Variants in GRIK4 observed in about 807,000 individuals in gnomAD.
GRIK4 encodes the protein glutamate receptor ionotropic, kainate 4.
Under a neutral mutation model 104.9 loss-of-function variants are expected in GRIK4, and 40 were observed. The observed-to-expected ratio is 0.38, with a 90% CI of 0.30 to 0.50. GRIK4 has a LOEUF of 0.50. Among genes scored for constraint, GRIK4 ranks in the 20% least tolerant of loss-of-function variants. The pLI is 0.93. For missense variants in GRIK4, 1,047 were observed against 1,308.1 expected, an observed-to-expected ratio of 0.80 and a Z score of 3.08; for synonymous variants, 485 against 524.9, an observed-to-expected ratio of 0.92 and a Z score of 1.04.
At chr11:120,848,524 G>T (rs1953902765) in intron 8 of GRIK4, among the ~76,000 whole-genome samples, 1 of 152,096 alleles carries the variant, frequency 6.6e-6, no homozygotes, top group Non-Finnish European at 1.5e-5. Flanking sequence ...GCAAGCTCAG[G>T]TGATCAGAAG....
chr11:120,787,516 G>C (rs1395804105), intron 3 of GRIK4, among the ~76,000 whole-genome samples: 1 of 151,498 alleles, frequency 6.6e-6, no homozygotes, highest in Non-Finnish European at 1.5e-5. Context: ...CCAGGCTGGA[G>C]TGCAGTGGCA....
At chr11:120,924,012 C>T (rs532510774) in intron 13 of GRIK4, among the ~76,000 whole-genome samples, 6 of 152,172 alleles carry the variant, frequency 3.9e-5, no homozygotes, top group South Asian at 4.1e-4. Context: ...TCCTGGGGGG[C>T]GATTACAGCT....
chr11:120,566,943 G>A (rs777362870), intron 1 of GRIK4, among the ~76,000 whole-genome samples: 5 of 148,276 alleles, frequency 3.4e-5, no homozygotes, highest in African/African-American at 7.5e-5. Context: ...TCCTGACCTC[G>A]TGTTCCGCCC....
intron 9 of GRIK4, among the ~76,000 whole-genome samples, chr11:120,866,132 C>G (rs558196517): frequency 2.3e-4 from 35 of 152,258 alleles, no homozygotes; most frequent in Middle Eastern, 3.4e-3. Context: ...GACTTGGGAC[C>G]AAACAAACCA....
intron 3 of GRIK4, among the ~76,000 whole-genome samples, chr11:120,738,162 G>A (rs1951260627): frequency 6.6e-6 from 1 of 152,184 alleles, no homozygotes; most frequent in Non-Finnish European, 1.5e-5. Flanking sequence ...GAGATATCAG[G>A]GAAGCTTAGA....
intron 16 of GRIK4, among the ~76,000 whole-genome samples, chr11:120,960,694 C>G (rs902562446): frequency 6.6e-6 from 1 of 152,198 alleles, no homozygotes; most frequent in Non-Finnish European, 1.5e-5. Flanking sequence ...ATAAGAAAAA[C>G]AAATCAACTG....
chr11:120,956,888 G>A lies in GRIK4; in HGVS notation c.1809G>A (p.Gly603=), dbSNP rs1944165737. Residue 603 remains glycine, a synonymous_variant, in exon 16 of 21, where the codon GGG becomes GGA. Transcript: ENST00000527524. This position sits in a 1 kb window ranked among gnomAD's most constrained non-coding sequence, Gnocchi z 4.6. The part of the protein sequence containing the change: ...LGNSLWFPVG[G]FMQQGSTIAP... ...ACAGCCTCTGGTTTCCGGTCGGGGG[G>A]TTCATGCAGCAAGGCTCCACCATCG... 6.2e-7 allele frequency: 1 copy of A among 1,614,002 alleles called. No individual in the cohort carries two copies. The highest frequency in any genetic ancestry group is 8.5e-7 in the Non-Finnish European group (1 of 1,179,956).
intron 1 of GRIK4, among the ~76,000 whole-genome samples, chr11:120,519,879 TG>T (rs1334341348): frequency 0.039 from 3,813 of 98,050 alleles, 65 homozygotes; most frequent in East Asian, 0.082. Context: ...TTTTTTTTTT[TG>T]TTTTTTTTTT....
intron 1 of GRIK4, among the ~76,000 whole-genome samples, chr11:120,595,741 T>G (rs1272576634): frequency 1.3e-5 from 2 of 152,248 alleles, no homozygotes; most frequent in Non-Finnish European, 2.9e-5. Context: ...GAGCTTCCAC[T>G]TCTTCCTGGA....
At chr11:120,858,648 C>T (rs777616365) in intron 8 of GRIK4, among the ~76,000 whole-genome samples, 65 of 152,144 alleles carry the variant, frequency 4.3e-4, no homozygotes, top group African/African-American at 1.4e-3. Flanking sequence ...GAGCATGGAA[C>T]CTTGTCTTCA....
At chr11:120,836,105 C>T (rs1206500745) in intron 7 of GRIK4, among the ~76,000 whole-genome samples, 1 of 152,232 alleles carries the variant, frequency 6.6e-6, no homozygotes, top group Non-Finnish European at 1.5e-5. Flanking sequence ...AACCTACGGA[C>T]TCTCTTATCT....
intron 1 of GRIK4, among the ~76,000 whole-genome samples, chr11:120,593,956 A>G (rs1260619585): frequency 6.6e-6 from 1 of 151,882 alleles, no homozygotes; most frequent in African/African-American, 2.4e-5. Context: ...TCAAATTTAT[A>G]CCCTTCTCTC....
At chr11:120,760,804 C>T (rs1276634788) in intron 3 of GRIK4, among the ~76,000 whole-genome samples, 1 of 152,234 alleles carries the variant, frequency 6.6e-6, no homozygotes, top group East Asian at 1.9e-4. Flanking sequence ...ACACAGTATT[C>T]CATGGTGTAT....
At chr11:120,802,383 G>C (rs1952636171) in intron 3 of GRIK4, among the ~76,000 whole-genome samples, 1 of 152,166 alleles carries the variant, frequency 6.6e-6, no homozygotes, top group Non-Finnish European at 1.5e-5. Context: ...ATGGAGACAG[G>C]TATCCAAGTA....
At chr11:120,911,555 TA>T (rs1942995398) in intron 13 of GRIK4, among the ~76,000 whole-genome samples, 1 of 145,000 alleles carries the variant, frequency 6.9e-6, no homozygotes, top group Non-Finnish European at 1.5e-5. Context: ...TCTTTAAAGA[TA>T]ATAGGCTGGG....
chr11:120,980,339 C>A (rs1944631258), intron 19 of GRIK4, among the ~76,000 whole-genome samples: 1 of 152,206 alleles, frequency 6.6e-6, no homozygotes, highest in Non-Finnish European at 1.5e-5. Flanking sequence ...ATCCGTGTTG[C>A]ACAGATACAC....
intron 3 of GRIK4, among the ~76,000 whole-genome samples, chr11:120,668,380 GAAAA>G (rs1366865446): frequency 4.0e-5 from 6 of 150,654 alleles, no homozygotes; most frequent in African/African-American, 1.5e-4. Flanking sequence ...AGAAAAGAAA[GAAAA>G]AGAAAGGAAG....
chr11:120,602,428 C>G (rs1474265394), intron 1 of GRIK4, among the ~76,000 whole-genome samples: 1 of 152,088 alleles, frequency 6.6e-6, no homozygotes, highest in Non-Finnish European at 1.5e-5. Context: ...ATATGAGGAC[C>G]CACCTGAAGA....
rs571770943 is a variant in GRIK4, at chr11:120,983,097, C to T, written c.2514+873C>T. Reference sequence around the variant, plus strand: ...CACTAAACATCTCCCCACAGCTCAGCCACCCTGCAGCTGCAGCAGATACCC... The same window carrying T: ...CACTAAACATCTCCCCACAGCTCAGTCACCCTGCAGCTGCAGCAGATACCC... On this transcript the variant is annotated intron_variant, in intron 20 of 20. Transcript: ENST00000527524. 9.8e-5 allele frequency among the ~76,000 whole-genome samples: 15 copies of T among 152,304 alleles called. No individual in the cohort carries two copies. In the East Asian group the frequency reaches 2.1e-3, roughly 22 times the overall value.
Sources: gnomAD v4.1 joint callset for allele counts (sites outside exome capture counted in the v4.1 genomes callset) on GRCh38, gnomAD v4.1.1 for gene constraint, Gnocchi (gnomAD v3.1) non-coding constraint, MANE v1.5 for transcripts, NCBI Gene and HGNC (gene_info 2026-07-23, HGNC 2026-07-21) for gene names.